Variants in TEX35 observed in about 807,000 individuals in gnomAD.
The protein encoded by TEX35 is testis-expressed protein 35.
In TEX35, 26 loss-of-function variants were observed where a neutral mutation model predicts 31.9. The ratio of observed to expected loss-of-function variants is 0.81; its 90% CI spans 0.60 to 1.13. The LOEUF is 1.13. Among genes scored for constraint, TEX35 ranks in the 50% most tolerant of loss-of-function variants. TEX35 has a pLI of 0.00. For synonymous variants in TEX35, 87 were observed against 90.7 expected, an observed-to-expected ratio of 0.96 and a Z score of 0.23; for missense variants, 278 against 273.5, an observed-to-expected ratio of 1.02 and a Z score of -0.12.
At chr1:178,521,961 T>A (rs1244975214) in intron 8 of TEX35, 4 of 1,013,592 alleles carry the variant, frequency 3.9e-6, no homozygotes, top group Non-Finnish European at 4.2e-6. Context: ...CATCTTAGGG[T>A]CCTCCCAACC....
rs745322769 is a variant in TEX35, at chr1:178,515,891, G to A, written c.192G>A (p.Lys64=). ...NELREVREEL[K]EKMEEIKQIK... is the part of the protein sequence containing the mutation. ...TCAGGGAAGTGAGAGAAGAGCTCAA[G>A]GAGAAAATGGAGGAGATAAAACAGG... The change falls in exon 4 of 9, where the codon AAG becomes AAA. Residue 64 remains lysine (K), a synonymous_variant. Coordinates refer to ENST00000319416, the MANE Select transcript of TEX35 (RefSeq NM_032126.5). 1.2e-6 allele frequency: 2 copies of A among 1,612,758 alleles called. No homozygotes were observed. The highest frequency in any genetic ancestry group is 1.1e-5 in the South Asian group (1 of 90,850).
intron 7 of TEX35, 117 bp downstream of exon 7, chr1:178,520,991 A>C: frequency 6.5e-7 from 1 of 1,548,998 alleles, no homozygotes; most frequent in Non-Finnish European, 8.7e-7. Flanking sequence ...CCCGCTGCTG[A>C]CTTCTGGGTG....
intron 5 of TEX35, 104 bp from the exon 6 acceptor site, chr1:178,520,268 A>T: frequency 8.5e-7 from 1 of 1,180,998 alleles, no homozygotes; most frequent in Non-Finnish European, 1.2e-6. Context: ...TCTAGCGAGG[A>T]TTCTTGAGGA....
chr1:178,523,471 T>C (rs1374933318), downstream of TEX35: 1 of 488,034 alleles, frequency 2.0e-6, no homozygotes, highest in Non-Finnish European at 3.6e-6. Context: ...TGCAAATTAA[T>C]GAGCAATGTA....
intron 5 of TEX35, among the ~76,000 whole-genome samples, chr1:178,517,587 G>A (rs771862307): frequency 2.6e-4 from 40 of 152,338 alleles, no homozygotes; most frequent in Admixed American, 9.2e-4. Flanking sequence ...GAAGCTCTTA[G>A]AATGAGGTCC....
At chr1:178,519,420 T>G (rs1364258238) in intron 5 of TEX35, among the ~76,000 whole-genome samples, 1 of 152,176 alleles carries the variant, frequency 6.6e-6, no homozygotes, top group Non-Finnish European at 1.5e-5. Flanking sequence ...TTTGAAGGGG[T>G]ACATGTTGGT....
In TEX35 at chr1:178,516,512, A is replaced by T; in HGVS notation, c.217-103A>T. ...ACAGGCCATTATTAGTCCATGCCAG[A>T]GAAGCAGCCACTGCCCTTTGCTTAA... On this transcript the variant is annotated intron_variant, in intron 4 of 8. Transcript: ENST00000319416. 3 of 951,040 alleles carry T rather than the reference A, an allele frequency of 3.2e-6. No individual in the cohort carries two copies. The South Asian group carries it at 4.4e-5, about 14-fold the overall frequency. 58.9% of individuals were successfully genotyped at this position (951,040 alleles called of 1,614,324 possible).
chr1:178,516,520 C>A, intron 4 of TEX35, 95 bp from the exon 5 acceptor site: 1 of 1,029,910 alleles, frequency 9.7e-7, no homozygotes, highest in Non-Finnish European at 1.5e-6. Context: ...AGAGAAGCAG[C>A]CACTGCCCTT....
chr1:178,517,562 A>G (rs1349162248), intron 5 of TEX35, among the ~76,000 whole-genome samples: 1 of 152,222 alleles, frequency 6.6e-6, no homozygotes, highest in Non-Finnish European at 1.5e-5. Flanking sequence ...GCTACACCTC[A>G]TAACGATTAA....
At chr1:178,520,585 C>T (rs749573077) in intron 6 of TEX35, 88 bp from the exon 7 acceptor site, 1 of 1,591,862 alleles carries the variant, frequency 6.3e-7, no homozygotes, top group Non-Finnish European at 8.6e-7. Context: ...TCAAGGCCTT[C>T]CATGGCCACC....
At chr1:178,521,931 G>A in intron 8 of TEX35, 1 of 1,238,406 alleles carries the variant, frequency 8.1e-7, no homozygotes, top group Admixed American at 2.8e-5. Context: ...TGATGGATTG[G>A]TGGGAAATTA....
chr1:178,519,812 G>C (rs1270936304), intron 5 of TEX35, among the ~76,000 whole-genome samples: 1 of 151,976 alleles, frequency 6.6e-6, no homozygotes, highest in African/African-American at 2.4e-5. Context: ...ATTTACCCAG[G>C]TCACATTTTA....
intron 4 of TEX35, among the ~76,000 whole-genome samples, chr1:178,516,254 T>A (rs1034553306): frequency 6.6e-6 from 1 of 152,212 alleles, no homozygotes; most frequent in African/African-American, 2.4e-5. Context: ...CCTGAGCAAG[T>A]TGCAAAGCAG....
rs115259013 is a variant in TEX35, at chr1:178,517,360, T to A, written c.276+686T>A. 6.3e-3 allele frequency among the ~76,000 whole-genome samples: 962 copies of A among 152,348 alleles called. 14 individuals carry two copies. The highest frequency in any genetic ancestry group is 0.022 in the African/African-American group (917 of 41,580). ...GTTGTGAGAATTTTAAAACTCCATT[T>A]ACTTAGACCCTTTCCCAGAGGAACT... On this transcript the variant is annotated intron_variant, in intron 5 of 8. Transcript: ENST00000319416.
Position 178,522,635 on chromosome 1 carries a change from A to C in TEX35, c.*195A>C. 7.9e-7 allele frequency: 1 copy of C among 1,268,998 alleles called. No individual in the cohort carries two copies. Among genetic ancestry groups the C allele is most frequent in the South Asian group, 2.9e-5 (1 of 34,332 alleles). 78.6% of individuals were successfully genotyped at this position (1,268,998 alleles called of 1,614,324 possible). ...GCTGGCTGCTTCTACCATCTAATAAATAATTGGCCAAGTTCTTTTTTTTTG... is the reference window on the plus strand; with the variant it reads ...GCTGGCTGCTTCTACCATCTAATAACTAATTGGCCAAGTTCTTTTTTTTTG... On this transcript the variant is annotated 3_prime_UTR_variant, in exon 9 of 9. Transcript: ENST00000319416.
chr1:178,520,279 A>C (rs1650216902), intron 5 of TEX35, 93 bp from the exon 6 acceptor site: 1 of 1,278,610 alleles, frequency 7.8e-7, no homozygotes, highest in South Asian at 1.4e-5. Flanking sequence ...TTCTTGAGGA[A>C]GTAAGATGCA....
intron 7 of TEX35, 70 bp from the exon 8 acceptor site, chr1:178,521,152 G>A (rs567443882): frequency 6.2e-7 from 1 of 1,609,498 alleles, no homozygotes; most frequent in African/African-American, 1.3e-5. Context: ...GGCAGATAAG[G>A]TGCCTAGCAG....
chr1:178,522,443 C>T lies in TEX35; in HGVS notation c.*3C>T. ...AGTCCCAGACTGAGGGAAGGTGAAG[C>T]TTAACTGCCAGCTTGAAATGAGAGT... is the stretch of plus-strand genomic sequence containing the variant. On this transcript the variant is annotated 3_prime_UTR_variant, in exon 9 of 9. Coordinates refer to ENST00000319416, the MANE Select transcript of TEX35 (RefSeq NM_032126.5). 1 of 1,589,206 alleles carries T rather than the reference C, an allele frequency of 6.3e-7. No individual in the cohort carries two copies. Among genetic ancestry groups the T allele is most frequent in the Non-Finnish European group, 8.6e-7 (1 of 1,166,002 alleles).
downstream of TEX35, among the ~76,000 whole-genome samples, chr1:178,522,878 T>C (rs933795990): frequency 5.9e-5 from 9 of 152,196 alleles, no homozygotes; most frequent in Non-Finnish European, 1.2e-4. Flanking sequence ...CACCCTGTTG[T>C]GCTATCAAAT....
Sources: allele counts gnomAD v4.1 joint callset (sites outside exome capture counted in the v4.1 genomes callset), GRCh38; gene constraint gnomAD v4.1.1; transcripts MANE v1.5; gene names NCBI Gene and HGNC (gene_info 2026-07-23, HGNC 2026-07-21).